The following MINDY3 variants were observed in gnomAD, a reference collection of about 807,000 sequenced individuals.
The protein encoded by MINDY3 is MINDY lysine 48 deubiquitinase 3, also known as ubiquitin carboxyl-terminal hydrolase MINDY-3.
Under a neutral mutation model 69.2 loss-of-function variants are expected in MINDY3, and 38 were observed. That is an observed-to-expected ratio of 0.55 (90% confidence interval 0.42 to 0.72). The LOEUF (loss-of-function observed/expected upper bound fraction) is 0.72, where lower values mean the gene tolerates loss of function less well. Among genes scored for constraint, MINDY3 ranks in the 30% least tolerant of loss-of-function variants. The probability of loss-of-function intolerance (pLI) is 0.00; values close to 1 mark genes in which losing one functional copy is unlikely to be tolerated. For synonymous variants in MINDY3, 192 were observed against 180.1 expected (o/e 1.07, Z -0.53); for missense variants, 522 against 519.0 (o/e 1.01, Z -0.06).
At chr10:15,811,744 G>A (rs1430715265) in intron 10 of MINDY3, among the ~76,000 whole-genome samples, 1 of 151,988 alleles carries the variant, frequency 6.6e-6, no homozygotes, top group Non-Finnish European at 1.5e-5. Context: ...AATAACATAT[G>A]TGCACTTTCT....
In MINDY3 at chr10:15,838,220, T is replaced by C; in HGVS notation, c.461+8A>G. The C allele has an allele frequency of 1.2e-6, 2 of 1,601,660 alleles. No individual in the cohort carries two copies. The highest frequency in any genetic ancestry group is 1.7e-6 in the Non-Finnish European group (2 of 1,175,146). ...AGTAAGTATTTTAAATGTTCCAATGTTACTTACTGAATTAATGCATGAAAT... is the reference window on the plus strand; with the variant it reads ...AGTAAGTATTTTAAATGTTCCAATGCTACTTACTGAATTAATGCATGAAAT... On this transcript the variant is annotated splice_region_variant and intron_variant, in intron 5 of 14. Coordinates refer to ENST00000277632, the MANE Select transcript of MINDY3 (RefSeq NM_024948.4).
In MINDY3 at chr10:15,792,350, T is replaced by C. The variant is rs535665775; in HGVS notation, c.956-3031A>G. 3.9e-5 allele frequency among the ~76,000 whole-genome samples: 6 copies of C among 152,218 alleles called. No individual in the cohort carries two copies. In the South Asian group the frequency reaches 8.3e-4, roughly 21 times the overall value. On this transcript the variant is annotated intron_variant, in intron 11 of 14. Coordinates refer to ENST00000277632, the MANE Select transcript of MINDY3 (RefSeq NM_024948.4). ...TAGCTGCTCGTTAACATTTGTTACTTTTAATGATACAAGCTCATAAATAAG... is the reference window on the plus strand; with the variant it reads ...TAGCTGCTCGTTAACATTTGTTACTCTTAATGATACAAGCTCATAAATAAG...
At chr10:15,819,297 A>G (rs1169281658) in intron 9 of MINDY3, among the ~76,000 whole-genome samples, 4 of 152,226 alleles carry the variant, frequency 2.6e-5, no homozygotes, top group Non-Finnish European at 4.4e-5. Flanking sequence ...AATGTAAAAT[A>G]TACACAGAAT....
intron 7 of MINDY3, 80 bp from the exon 8 acceptor site, chr10:15,833,789 A>C (rs1588618418): frequency 2.2e-6 from 2 of 892,974 alleles, no homozygotes; most frequent in Admixed American, 2.0e-5. Flanking sequence ...GTATAAAGTA[A>C]TGACTTTTCA....
chr10:15,789,733 T>TGA (rs1266006425), intron 11 of MINDY3, among the ~76,000 whole-genome samples: 3 of 152,114 alleles, frequency 2.0e-5, no homozygotes, highest in Non-Finnish European at 2.9e-5. Flanking sequence ...GTCACAATGT[T>TGA]ATTTAGTTTC....
chr10:15,818,195 A>C (rs1214712124), intron 9 of MINDY3, among the ~76,000 whole-genome samples: 1 of 152,150 alleles, frequency 6.6e-6, no homozygotes, highest in African/African-American at 2.4e-5. Context: ...TTAGGACTTA[A>C]GTTTTCTGAC....
chr10:15,859,451 G>C (rs1014197238), intron 1 of MINDY3, among the ~76,000 whole-genome samples: 16 of 152,096 alleles, frequency 1.1e-4, no homozygotes, highest in Non-Finnish European at 1.8e-4. Flanking sequence ...TTAAGAATTA[G>C]GGATAGTTAC....
chr10:15,779,424 AC>A (rs1233433923), intron 14 of MINDY3, among the ~76,000 whole-genome samples: 2 of 152,184 alleles, frequency 1.3e-5, no homozygotes, highest in East Asian at 1.9e-4. Flanking sequence ...AAGAAAAAAA[AC>A]ATTCTTCAAC....
intron 13 of MINDY3, among the ~76,000 whole-genome samples, chr10:15,783,597 A>G (rs1354670472): frequency 6.6e-6 from 1 of 152,138 alleles, no homozygotes; most frequent in Non-Finnish European, 1.5e-5. Flanking sequence ...TATCATAACA[A>G]TTGTCTAAAT....
chr10:15,787,280 C>T (rs1837042939), intron 12 of MINDY3, among the ~76,000 whole-genome samples: 1 of 152,002 alleles, frequency 6.6e-6, no homozygotes, highest in Non-Finnish European at 1.5e-5. Flanking sequence ...TGCAGGTGTA[C>T]CAAGGCTGGT....
chr10:15,809,932 TTAAAA>T (rs1211162080), intron 10 of MINDY3, among the ~76,000 whole-genome samples: 1 of 152,114 alleles, frequency 6.6e-6, no homozygotes, highest in African/African-American at 2.4e-5. Context: ...ATTTAAAAAC[TTAAAA>T]TTATATTTCT....
chr10:15,825,304 T>C (rs1026708339), intron 8 of MINDY3, among the ~76,000 whole-genome samples: 1 of 152,256 alleles, frequency 6.6e-6, no homozygotes, highest in South Asian at 2.1e-4. Flanking sequence ...GTCCCAAGCA[T>C]GTACTCTACA....
chr10:15,821,107 T>C (rs964836936), intron 9 of MINDY3, among the ~76,000 whole-genome samples: 8 of 152,300 alleles, frequency 5.3e-5, no homozygotes, highest in Admixed American at 2.0e-4. Context: ...GAGAATGAAA[T>C]AAACAGCAAT....
chr10:15,789,552 G>C (rs1387104154), intron 11 of MINDY3, among the ~76,000 whole-genome samples: 1 of 152,044 alleles, frequency 6.6e-6, no homozygotes, highest in Non-Finnish European at 1.5e-5. Flanking sequence ...TGAGAACTCC[G>C]ACGAAAGCTT....
Position 15,848,633 on chromosome 10 carries a change from CAAAAAAAAAAAAA to C in MINDY3, c.95-703_95-691del, listed in dbSNP as rs10719399. 3.5e-4 allele frequency among the ~76,000 whole-genome samples: 17 copies of C among 48,796 alleles called. 1 individual carries two copies. In the South Asian group the frequency reaches 8.0e-3, roughly 23 times the overall value. 32.0% of individuals were successfully genotyped at this position (48,796 alleles called of 152,430 possible). The stretch of plus-strand genomic sequence containing the variant: ...TGGGCCACAGAGCTAGACTTCATCT[CAAAAAAAAAAAAA>C]AAAAAAAAAAAAAAAAGAAAGAAAA... On this transcript the variant is annotated intron_variant, in intron 1 of 14. Coordinates refer to ENST00000277632, the MANE Select transcript of MINDY3 (RefSeq NM_024948.4).
intron 9 of MINDY3, chr10:15,817,469 A>T (rs1839452809): frequency 6.6e-6 from 1 of 152,372 alleles, no homozygotes; most frequent in Non-Finnish European, 1.5e-5. Context: ...CAGTATGAAC[A>T]GTCTCTTTAA....
chr10:15,834,613 T>A lies in MINDY3; in HGVS notation c.580A>T (p.Ile194Phe). 1.2e-6 allele frequency: 2 copies of A among 1,605,786 alleles called. No homozygotes were observed. Among genetic ancestry groups the A allele is most frequent in the Non-Finnish European group, 1.7e-6 (2 of 1,173,514 alleles). Residue 194 changes from isoleucine (I) to phenylalanine (F), a missense_variant, in exon 7 of 15, where the codon ATT (isoleucine) becomes TTT (phenylalanine). Ile to Phe is a conservative substitution (Grantham distance 21, BLOSUM62 0). Coordinates refer to ENST00000277632, the MANE Select transcript of MINDY3 (RefSeq NM_024948.4). ...TCAATTTCGTTTTTTATGTTTTCAA[T>A]GCCCTAAAGAAACAGAATTCATTGA... ...FLYSVLLTKG[I>F]ENIKNEIEDA...
At chr10:15,808,859 C>T (rs1375085037) in intron 10 of MINDY3, among the ~76,000 whole-genome samples, 1 of 152,050 alleles carries the variant, frequency 6.6e-6, no homozygotes, top group African/African-American at 2.4e-5. Context: ...GCAAATTAGC[C>T]ACTGATCTTC....
At chr10:15,789,670 C>T (rs1837266126) in intron 11 of MINDY3, among the ~76,000 whole-genome samples, 1 of 152,098 alleles carries the variant, frequency 6.6e-6, no homozygotes, top group Admixed American at 6.6e-5. Flanking sequence ...TAAACCTTTA[C>T]ATTTGCATTT....
Sources: allele counts gnomAD v4.1 joint callset (sites outside exome capture counted in the v4.1 genomes callset), GRCh38; gene constraint gnomAD v4.1.1; transcripts MANE v1.5; gene names NCBI Gene and HGNC (gene_info 2026-07-23, HGNC 2026-07-21).